Variants in ADGRL2 observed in about 807,000 individuals in gnomAD.
ADGRL2 encodes adhesion G protein-coupled receptor L2, also known as calcium-independent alpha-latrotoxin receptor 2.
In ADGRL2, 44 loss-of-function variants were observed where a neutral mutation model predicts 157.4. The observed-to-expected ratio is 0.28, with a 90% CI of 0.22 to 0.36. The LOEUF (loss-of-function observed/expected upper bound fraction) is 0.36. ADGRL2 is among the 10% of genes least tolerant of loss of function. The pLI, the probability that ADGRL2 is intolerant of heterozygous loss-of-function variation, is 1.00. For missense variants in ADGRL2, 1,510 were observed against 1,768.9 expected (o/e 0.85, Z 2.63); for synonymous variants, 585 against 624.7 (o/e 0.94, Z 0.95).
chr1:81,306,519 C>T (rs1659345272), intron 1 of ADGRL2: 1 of 151,842 alleles, frequency 6.6e-6, no homozygotes, highest in Non-Finnish European at 1.5e-5. Flanking sequence ...GGTAGGAAGT[C>T]TGATTCTTCT....
chr1:81,566,001 G>A (rs2080552051), intron 2 of ADGRL2, among the ~76,000 whole-genome samples: 1 of 152,168 alleles, frequency 6.6e-6, no homozygotes, highest in African/African-American at 2.4e-5. Flanking sequence ...TTGCAGAGGG[G>A]TACAGAAGCA....
chr1:81,911,555 C>T (rs1299607051), intron 3 of ADGRL2, among the ~76,000 whole-genome samples: 1 of 152,142 alleles, frequency 6.6e-6, no homozygotes, highest in East Asian at 1.9e-4. Context: ...CTCTAAAAAC[C>T]TGCTCATTGT....
At chr1:81,337,399 C>T (rs566673376) in intron 1 of ADGRL2, among the ~76,000 whole-genome samples, 3 of 152,244 alleles carry the variant, frequency 2.0e-5, no homozygotes, top group African/African-American at 7.2e-5. Context: ...GCTGGTGCCC[C>T]GAAGCGCTCA....
chr1:81,527,031 A>G (rs979025183), intron 2 of ADGRL2, among the ~76,000 whole-genome samples: 1 of 152,246 alleles, frequency 6.6e-6, no homozygotes, highest in Admixed American at 6.5e-5. Context: ...TGATCTTTAA[A>G]TTGCATCTGG....
intron 3 of ADGRL2, among the ~76,000 whole-genome samples, chr1:81,932,803 C>T (rs1190839482): frequency 4.6e-5 from 7 of 152,170 alleles, no homozygotes; most frequent in East Asian, 1.9e-4. Context: ...AAGCGATTCT[C>T]CTGCCTCTGC....
chr1:81,458,052 T>C (rs1428930040), intron 2 of ADGRL2, among the ~76,000 whole-genome samples: 10 of 152,172 alleles, frequency 6.6e-5, no homozygotes, highest in Admixed American at 6.5e-4. Flanking sequence ...ATATGAAAAA[T>C]ATTATCATTT....
intron 3 of ADGRL2, among the ~76,000 whole-genome samples, chr1:81,631,567 G>A (rs1208592765): frequency 1.3e-5 from 2 of 152,128 alleles, no homozygotes; most frequent in Admixed American, 6.6e-5. Context: ...GACTGCATTT[G>A]GAATTACGCA....
At chr1:81,574,928 C>T (rs1570545442) in intron 2 of ADGRL2, among the ~76,000 whole-genome samples, 1 of 152,280 alleles carries the variant, frequency 6.6e-6, no homozygotes, top group East Asian at 1.9e-4. Context: ...AAATAAAGCT[C>T]GTAGCTCCCC....
chr1:81,967,022 C>G lies in ADGRL2; in HGVS notation c.2349+413C>G, dbSNP rs117102908. Among the ~76,000 whole-genome samples the G allele has an allele frequency of 7.3e-4, 111 of 152,236 alleles. 1 individual carries two copies. The East Asian group carries it at 0.02, about 27-fold the overall frequency. ...AGTTTACTGATCACGTTTGACACAG[C>G]TGTTACCAAGTATTGTGTTTAAAAA... On this transcript the variant is annotated intron_variant, in intron 13 of 23. Transcript: ENST00000686636.
At chr1:81,872,985 CAT>C (rs762062417) in intron 2 of ADGRL2, among the ~76,000 whole-genome samples, 1 of 151,922 alleles carries the variant, frequency 6.6e-6, no homozygotes, top group Non-Finnish European at 1.5e-5. Flanking sequence ...CTCTGAAGAA[CAT>C]GGATTAAAAT....
intron 17 of ADGRL2, among the ~76,000 whole-genome samples, chr1:81,977,309 A>T (rs1197384613): frequency 1.3e-5 from 2 of 151,936 alleles, no homozygotes; most frequent in East Asian, 3.9e-4. Flanking sequence ...AATGTCAAAA[A>T]CCTCAGTTAA....
intron 1 of ADGRL2, among the ~76,000 whole-genome samples, chr1:81,746,573 G>C (rs2085253620): frequency 6.6e-6 from 1 of 152,080 alleles, no homozygotes. Flanking sequence ...TACTGGGTGT[G>C]AGCCACCACG....
intron 19 of ADGRL2, 81 bp from the exon 20 acceptor site, chr1:81,984,502 T>G: frequency 7.6e-7 from 1 of 1,315,274 alleles, no homozygotes; most frequent in Non-Finnish European, 1.0e-6. Context: ...TCTTTTCGGT[T>G]GTCTTCACTG....
chr1:81,414,086 T>C (rs1286506893), intron 1 of ADGRL2: 4 of 152,208 alleles, frequency 2.6e-5, no homozygotes, highest in Non-Finnish European at 4.4e-5. Context: ...ATTCTTTACC[T>C]CTGGCTCCCC....
intron 2 of ADGRL2, among the ~76,000 whole-genome samples, chr1:81,460,536 T>C (rs2077904655): frequency 6.6e-6 from 1 of 152,152 alleles, no homozygotes; most frequent in Non-Finnish European, 1.5e-5. Flanking sequence ...GGTTATATTA[T>C]AATCTCTTAA....
intron 2 of ADGRL2, among the ~76,000 whole-genome samples, chr1:81,452,147 T>A (rs1392792446): frequency 6.6e-6 from 1 of 152,150 alleles, no homozygotes; most frequent in Non-Finnish European, 1.5e-5. Flanking sequence ...AACCTAACTT[T>A]CTCCTTGTGA....
chr1:81,369,000 T>C (rs952428398), intron 1 of ADGRL2, among the ~76,000 whole-genome samples: 3 of 152,208 alleles, frequency 2.0e-5, no homozygotes, highest in African/African-American at 7.2e-5. Flanking sequence ...TATATTTCCA[T>C]TATTATATCT....
chr1:81,668,006 T>A (rs1328691900), intron 3 of ADGRL2, among the ~76,000 whole-genome samples: 1 of 152,196 alleles, frequency 6.6e-6, no homozygotes, highest in Non-Finnish European at 1.5e-5. Flanking sequence ...GAAATCATTA[T>A]GAAATCTCTT....
At chr1:81,583,688 G>A (rs1263662124) in intron 3 of ADGRL2, among the ~76,000 whole-genome samples, 2 of 151,946 alleles carry the variant, frequency 1.3e-5, no homozygotes, top group Non-Finnish European at 2.9e-5. Flanking sequence ...TTTAATTACA[G>A]TTTGAAAACA....
Sources: allele counts gnomAD v4.1 joint callset (sites outside exome capture counted in the v4.1 genomes callset), GRCh38; gene constraint gnomAD v4.1.1; transcripts MANE v1.5; gene names NCBI Gene and HGNC (gene_info 2026-07-23, HGNC 2026-07-21).